DLG2: variants seen among roughly 807,000 people sequenced by gnomAD.
The protein encoded by DLG2 is disks large homolog 2.
In DLG2, 45 loss-of-function variants were observed where a neutral mutation model predicts 132.5. That is an observed-to-expected ratio of 0.34 (90% CI 0.27 to 0.44). DLG2 has a LOEUF of 0.44. Among genes scored for constraint, DLG2 ranks in the 20% least tolerant of loss-of-function variants. DLG2 has a pLI of 1.00. For missense variants in DLG2, 1,045 were observed against 1,196.9 expected, an observed-to-expected ratio of 0.87 and a Z score of 1.87; for synonymous variants, 424 against 419.6, an observed-to-expected ratio of 1.01 and a Z score of -0.13.
chr11:84,890,387 C>T (rs903937559), intron 6 of DLG2, among the ~76,000 whole-genome samples: 4 of 152,120 alleles, frequency 2.6e-5, no homozygotes, highest in African/African-American at 9.7e-5. Flanking sequence ...CAGAATACTG[C>T]ATTTTGGGAA....
chr11:84,515,457 T>C (rs2099270038), intron 7 of DLG2, among the ~76,000 whole-genome samples: 1 of 151,616 alleles, frequency 6.6e-6, no homozygotes, highest in African/African-American at 2.4e-5. Flanking sequence ...TCAGATAAAA[T>C]AGACTTTAAG....
At chr11:84,852,706 G>T (rs555133736) in intron 6 of DLG2, among the ~76,000 whole-genome samples, 3 of 151,786 alleles carry the variant, frequency 2.0e-5, no homozygotes, top group East Asian at 1.9e-4. Context: ...ATGTTTATTG[G>T]GACAAATCAA....
At chr11:84,652,303 A>G (rs943703721) in intron 6 of DLG2, among the ~76,000 whole-genome samples, 1 of 152,142 alleles carries the variant, frequency 6.6e-6, no homozygotes, top group African/African-American at 2.4e-5. Flanking sequence ...ATAATAGTAG[A>G]GGAATGGAAG....
intron 6 of DLG2, among the ~76,000 whole-genome samples, chr11:85,086,271 C>T (rs895420851): frequency 2.0e-5 from 3 of 152,026 alleles, no homozygotes; most frequent in African/African-American, 7.2e-5. Context: ...AGTTACTTAT[C>T]CAATTTCTTT....
chr11:85,425,464 T>A (rs1471315761), intron 3 of DLG2, among the ~76,000 whole-genome samples: 1 of 152,146 alleles, frequency 6.6e-6, no homozygotes, highest in Admixed American at 6.6e-5. Flanking sequence ...TTATACCCAA[T>A]GTTTTTGAGG....
intron 6 of DLG2, among the ~76,000 whole-genome samples, chr11:85,110,262 A>C (rs1226635714): frequency 6.6e-6 from 1 of 151,974 alleles, no homozygotes; most frequent in Non-Finnish European, 1.5e-5. Context: ...AATACGAAAA[A>C]AAAAATTAGC....
chr11:85,323,095 G>A (rs189672611), intron 3 of DLG2, among the ~76,000 whole-genome samples: 1 of 152,282 alleles, frequency 6.6e-6, no homozygotes, highest in Non-Finnish European at 1.5e-5. Flanking sequence ...TAACTCACCT[G>A]TCACTTTTTC....
chr11:84,676,446 C>A (rs1180669798), intron 6 of DLG2, among the ~76,000 whole-genome samples: 3 of 151,998 alleles, frequency 2.0e-5, no homozygotes, highest in Non-Finnish European at 4.4e-5. Context: ...AGATGTCTTT[C>A]CAAAGATCAT....
chr11:85,346,397 C>T (rs2082851091), intron 3 of DLG2, among the ~76,000 whole-genome samples: 2 of 151,952 alleles, frequency 1.3e-5, no homozygotes, highest in Non-Finnish European at 2.9e-5. Context: ...ACCATGTTAG[C>T]CAGGATGGTC....
intron 16 of DLG2, among the ~76,000 whole-genome samples, chr11:83,871,069 T>G (rs2063351394): frequency 6.6e-6 from 1 of 152,210 alleles, no homozygotes; most frequent in South Asian, 2.1e-4. Context: ...ATGAAACCAT[T>G]TGGCCTTTGA....
chr11:84,425,804 G>C (rs1358288812), intron 7 of DLG2, among the ~76,000 whole-genome samples: 1 of 152,080 alleles, frequency 6.6e-6, no homozygotes, highest in African/African-American at 2.4e-5. Context: ...TCAAAACTGT[G>C]CATCCTAGAG....
At chr11:84,589,368 G>C (rs1243259920) in intron 6 of DLG2, among the ~76,000 whole-genome samples, 1 of 152,106 alleles carries the variant, frequency 6.6e-6, no homozygotes, top group Non-Finnish European at 1.5e-5. Context: ...AGACCATAGA[G>C]TTTTAAGCAA....
chr11:85,078,866 G>A (rs182805903), intron 6 of DLG2, among the ~76,000 whole-genome samples: 14 of 152,144 alleles, frequency 9.2e-5, no homozygotes, highest in South Asian at 2.1e-4. Flanking sequence ...AATAAAATGC[G>A]TTCAAGTTTT....
At chr11:83,949,346 A>G (rs1335404122) in intron 14 of DLG2, among the ~76,000 whole-genome samples, 1 of 152,124 alleles carries the variant, frequency 6.6e-6, no homozygotes, top group East Asian at 1.9e-4. Flanking sequence ...AACTCTAATG[A>G]TCTTTTCCCT....
intron 15 of DLG2, among the ~76,000 whole-genome samples, chr11:83,900,008 A>G (rs1340794632): frequency 1.3e-5 from 2 of 152,182 alleles, no homozygotes; most frequent in African/African-American, 2.4e-5. Context: ...TCTCAGATGG[A>G]AATGAGAAAC....
rs530496435 is a variant in DLG2 at position 84,182,411 on chromosome 11, G to T, written c.574-18900C>A. On this transcript the variant is annotated intron_variant, in intron 8 of 27. Transcript: ENST00000376104. ...GCAGTCATGGTGGCTTGTGCCTGTG[G>T]TCCCAGCTACTTGAAAGGCTGACGC... 1.3e-3 allele frequency among the ~76,000 whole-genome samples: 191 copies of T among 151,644 alleles called. 1 individual carries two copies. The highest frequency in any genetic ancestry group is 3.4e-3 in the Middle Eastern group (1 of 294).
At chr11:85,531,290 A>T (rs1216998725) in intron 3 of DLG2, among the ~76,000 whole-genome samples, 1 of 152,212 alleles carries the variant, frequency 6.6e-6, no homozygotes, top group East Asian at 1.9e-4. Flanking sequence ...GTGTTGCAGC[A>T]TATACATCAT....
At chr11:83,990,270 T>C (rs1001427426) in intron 11 of DLG2, among the ~76,000 whole-genome samples, 20 of 152,132 alleles carry the variant, frequency 1.3e-4, no homozygotes, top group African/African-American at 4.1e-4. Flanking sequence ...TTGACGCACA[T>C]ACAGAATTTC....
chr11:83,644,626 C>T (rs866533388), intron 18 of DLG2, among the ~76,000 whole-genome samples: 2 of 152,086 alleles, frequency 1.3e-5, no homozygotes, highest in Non-Finnish European at 2.9e-5. Context: ...AACTTACCCA[C>T]AGCCCCCAAA....
Sources: gnomAD v4.1 joint callset for allele counts (sites outside exome capture counted in the v4.1 genomes callset) on GRCh38, gnomAD v4.1.1 for gene constraint, MANE v1.5 for transcripts, NCBI Gene and HGNC (gene_info 2026-07-23, HGNC 2026-07-21) for gene names.